The following DENND4B variants were observed in gnomAD, a reference collection of about 807,000 sequenced individuals.
The protein encoded by DENND4B is DENN domain containing 4B.
Under a neutral mutation model 161.0 loss-of-function variants are expected in DENND4B, and 67 were observed. The observed-to-expected ratio is 0.42, with a 90% confidence interval of 0.34 to 0.51. The LOEUF is 0.51. Ranked by LOEUF, DENND4B falls within the 20% of genes least tolerant of loss-of-function variation. DENND4B has a pLI of 0.08. For missense variants in DENND4B, 1,481 were observed against 1,968.0 expected (o/e 0.75, Z 4.68); for synonymous variants, 753 against 813.8 (o/e 0.93, Z 1.27).
At position 153,929,722 on chromosome 1, in the gene DENND4B, A is replaced by C. The variant is rs1276957493; in HGVS notation, c.*575T>G. 1 of 152,334 alleles carries C rather than the reference A, an allele frequency of 6.6e-6. No individual in the cohort carries two copies. The highest frequency in any genetic ancestry group is 1.5e-5 in the Non-Finnish European group (1 of 68,196). The allele number at this position is 152,334 out of a possible 1,614,324, so 9.4% of individuals were successfully genotyped here. ...TGAAGGAACTACAAACCACCGGACC[A>C]TGGTGCCCTATTTCCCTTCCCTTTC... is the stretch of plus-strand genomic sequence containing the variant. On this transcript the variant is annotated 3_prime_UTR_variant, in exon 28 of 28. Coordinates refer to ENST00000361217, the MANE Select transcript of DENND4B (RefSeq NM_014856.3).
chr1:153,935,863 G>C, intron 17 of DENND4B, 197 bp downstream of exon 17: 1 of 608,876 alleles, frequency 1.6e-6, no homozygotes, highest in Admixed American at 3.1e-5. Context: ...GGGCTGTCAT[G>C]AGTGGGAATC....
intron 6 of DENND4B, 97 bp downstream of exon 6, chr1:153,941,772 C>CCGGGGGGGGGGGGGGG: frequency 6.8e-7 from 1 of 1,464,446 alleles, no homozygotes. Flanking sequence ...TACCCTGTGC[C>CCGGGGGGGGGGGGGGG]CAGCCCTCCC....
rs576238653 is a variant in DENND4B, at chr1:153,930,160, C to T, written c.*137G>A. 61 of 1,185,836 alleles carry T rather than the reference C, an allele frequency of 5.1e-5. No individual in the cohort carries two copies. In the East Asian group the frequency reaches 1.2e-3, roughly 23 times the overall value. 73.5% of individuals were successfully genotyped at this position (1,185,836 alleles called of 1,614,324 possible). A position where few individuals can be genotyped will look rare whatever the true frequency, so the allele number is the denominator to read the frequency against. On this transcript the variant is annotated 3_prime_UTR_variant, in exon 28 of 28. Coordinates refer to ENST00000361217, the MANE Select transcript of DENND4B (RefSeq NM_014856.3). This position sits in a 1 kb window ranked among gnomAD's most constrained non-coding sequence, Gnocchi z 4.7. ...AACAGTGGATCCCTCTTCCTGTTGTCCTCGCTTGGAGCCTTTGACTGGGCA... is the reference window on the plus strand; with the variant it reads ...AACAGTGGATCCCTCTTCCTGTTGTTCTCGCTTGGAGCCTTTGACTGGGCA...
chr1:153,930,189 T>G lies in DENND4B; in HGVS notation c.*108A>C, dbSNP rs999355943. The G allele has an allele frequency of 4.3e-6, 6 of 1,411,054 alleles. No individual in the cohort carries two copies. The highest frequency in any genetic ancestry group is 5.7e-6 in the Non-Finnish European group (6 of 1,058,002). 87.4% of individuals were successfully genotyped at this position (1,411,054 alleles called of 1,614,324 possible). A position where few individuals can be genotyped will look rare whatever the true frequency, so the allele number is the denominator to read the frequency against. ...GCTTGGAGCCTTTGACTGGGCATCCTTCCCAGCCTGTTCCCAACTCCATGA... is the reference window on the plus strand; with the variant it reads ...GCTTGGAGCCTTTGACTGGGCATCCGTCCCAGCCTGTTCCCAACTCCATGA... On this transcript the variant is annotated 3_prime_UTR_variant, in exon 28 of 28. Coordinates refer to ENST00000361217, the MANE Select transcript of DENND4B (RefSeq NM_014856.3). The surrounding 1 kb of genome is among the most constrained non-coding windows in gnomAD (Gnocchi z 4.7).
chr1:153,941,774 A>AGGGCTG, intron 6 of DENND4B, 95 bp downstream of exon 6: 1 of 618,134 alleles, frequency 1.6e-6, no homozygotes, highest in East Asian at 4.9e-5. Flanking sequence ...CCCTGTGCCC[A>AGGGCTG]GCCCTCCCCC....
chr1:153,932,604 C>T lies in DENND4B; in HGVS notation c.3759+38G>A. ...ACCCCACAGGCCCCACACAGGGCAA[C>T]ATTCCCGTTCCTCATGCCCCTTTGG... On this transcript the variant is annotated intron_variant, in intron 23 of 27. Transcript: ENST00000361217. This position sits in a 1 kb window ranked among gnomAD's most constrained non-coding sequence, Gnocchi z 5.8. 5 of 1,594,056 alleles carry T rather than the reference C, an allele frequency of 3.1e-6. No homozygotes were observed. The highest frequency in any genetic ancestry group is 2.6e-6 in the Non-Finnish European group (3 of 1,167,636).
Position 153,940,926 on chromosome 1 carries a change from CT to C in DENND4B, c.1303del (p.Ser435AlafsTer9). The C allele has an allele frequency of 1.3e-6, 2 of 1,587,964 alleles. No individual in the cohort carries two copies. Among genetic ancestry groups the C allele is most frequent in the Non-Finnish European group, 1.7e-6 (2 of 1,170,178 alleles). Reference protein sequence around the residue: ...VHSLRPDLLTSVCEALVSMIF... With the variant: ...VHSLRPDLLTXVCEALVSMIF... The stretch of plus-strand genomic sequence containing the variant: ...CACCGAGACGAGGGCCTCACAGACG[CT>C]GGTGAGCAGGTCTGGCCGCAGCGAG... On this transcript the variant is annotated frameshift_variant, in exon 9 of 28. Coordinates refer to ENST00000361217, the MANE Select transcript of DENND4B (RefSeq NM_014856.3). LOFTEE classifies it high-confidence loss of function. The surrounding 1 kb of genome is among the most constrained non-coding windows in gnomAD (Gnocchi z 5.6).
upstream of DENND4B, chr1:153,946,751 T>G: frequency 2.7e-6 from 1 of 368,566 alleles, no homozygotes. The surrounding 1 kb of genome is among the most constrained non-coding windows in gnomAD (Gnocchi z 6.3). Flanking sequence ...GCCCGACCCC[T>G]GGCGGCTGGG....
Position 153,932,949 on chromosome 1 carries a change from C to T in DENND4B, c.3535G>A (p.Asp1179Asn), listed in dbSNP as rs774694318. ...CAGGTTGTGTTGAGGTTAGAGTCAT[C>T]AGGTGCCCAGCCAGCCATGATTTCC... ...DEEIMAGWAPDDSNLNTTCPF... is the reference protein window; with the variant it reads ...DEEIMAGWAPNDSNLNTTCPF... Residue 1179 changes from aspartate (D) to asparagine (N), a missense_variant, in exon 22 of 28, where the codon GAT (aspartate) becomes AAT (asparagine). Asp to Asn is a conservative substitution (Grantham distance 23, BLOSUM62 1). This residue lies in a region of DENND4B where 336 missense variants were observed against 503.3 expected (regional missense o/e 0.67). Coordinates refer to ENST00000361217, the MANE Select transcript of DENND4B (RefSeq NM_014856.3). This position sits in a 1 kb window ranked among gnomAD's most constrained non-coding sequence, Gnocchi z 5.8. 4 of 1,613,992 alleles carry T rather than the reference C, an allele frequency of 2.5e-6. No individual in the cohort carries two copies. Among genetic ancestry groups the T allele is most frequent in the Non-Finnish European group, 3.4e-6 (4 of 1,179,876 alleles).
At position 153,946,397 on chromosome 1, in the gene DENND4B, G is replaced by A; in HGVS notation, c.-120C>T. ...GGCGGGGCTACCCGGCCCCAGACAT[G>A]GCGCACCCGACTTGGGCGCCGCTCC... On this transcript the variant is annotated 5_prime_UTR_variant, in exon 1 of 28. Transcript: ENST00000361217. The surrounding 1 kb of genome is among the most constrained non-coding windows in gnomAD (Gnocchi z 6.3). The A allele has an allele frequency of 2.6e-6, 1 of 383,990 alleles. No individual in the cohort carries two copies. The highest frequency in any genetic ancestry group is 4.5e-5 in the Admixed American group (1 of 22,120). 23.8% of individuals were successfully genotyped at this position (383,990 alleles called of 1,614,324 possible). A position where few individuals can be genotyped will look rare whatever the true frequency, so the allele number is the denominator to read the frequency against.
chr1:153,938,366 G>A (rs1401499303), intron 13 of DENND4B, among the ~76,000 whole-genome samples: 4 of 148,678 alleles, frequency 2.7e-5, no homozygotes, highest in African/African-American at 5.0e-5. Flanking sequence ...CCGATATCGC[G>A]CCACTGCACT....
intron 13 of DENND4B, 117 bp downstream of exon 13, chr1:153,938,783 G>C: frequency 1.5e-6 from 1 of 655,324 alleles, no homozygotes; most frequent in East Asian, 3.1e-5. Context: ...AAATGGCCCT[G>C]GGGTCTACAG....
chr1:153,937,372 TAAC>T lies in DENND4B; in HGVS notation c.2232+113_2232+115del. ...TATGTGCCAAGCACATTTAAACTCCTAACAACCTCATGGGTTAAGTATTATTGT... is the reference window on the plus strand; with the variant it reads ...TATGTGCCAAGCACATTTAAACTCCTAACCTCATGGGTTAAGTATTATTGT... On this transcript the variant is annotated intron_variant, in intron 15 of 27. Transcript: ENST00000361217. The surrounding 1 kb of genome is among the most constrained non-coding windows in gnomAD (Gnocchi z 4.7). 1 of 1,407,024 alleles carries T rather than the reference TAAC, an allele frequency of 7.1e-7. No individual in the cohort carries two copies. Among genetic ancestry groups the T allele is most frequent in the South Asian group, 1.6e-5 (1 of 62,478 alleles). 87.2% of individuals were successfully genotyped at this position (1,407,024 alleles called of 1,614,324 possible). A position where few individuals can be genotyped will look rare whatever the true frequency, so the allele number is the denominator to read the frequency against.
chr1:153,944,345 C>T lies in DENND4B; in HGVS notation c.30G>A (p.Val10=), dbSNP rs372779027. 3,326 of 1,608,674 alleles carry T rather than the reference C, an allele frequency of 2.1e-3. 11 individuals are homozygous for T. Among genetic ancestry groups the T allele is most frequent in the South Asian group, 6.1e-3 (554 of 90,506 alleles). The change falls in exon 2 of 28, where the codon GTG becomes GTA. Residue 10 remains valine, a synonymous_variant. Coordinates refer to ENST00000361217, the MANE Select transcript of DENND4B (RefSeq NM_014856.3). This position sits in a 1 kb window ranked among gnomAD's most constrained non-coding sequence, Gnocchi z 4.8. ...CAAGCCCAGCTACCACGAAGTAATC[C>T]ACCAGCCGGGGGGGCCGCTCCTCCG... MAEERPPRL[V]DYFVVAGLAG... is the part of the protein sequence containing the mutation.
rs746193379 is a variant in DENND4B, at chr1:153,942,300, C to G, written c.697G>C (p.Val233Leu). ...CCCATGGGCAGGCAGAAGACGGGCACTGACTCGGGCAGCGGGAACGCCTCA... is the reference window on the plus strand; with the variant it reads ...CCCATGGGCAGGCAGAAGACGGGCAGTGACTCGGGCAGCGGGAACGCCTCA... ...DNEAFPLPES[V>L]PVFCLPMGAT... Residue 233 changes from valine to leucine, a missense_variant, in exon 5 of 28, where the codon GTG (valine) becomes CTG (leucine). By Grantham distance (32) the Val-to-Leu change is conservative. Transcript: ENST00000361217. This position sits in a 1 kb window ranked among gnomAD's most constrained non-coding sequence, Gnocchi z 6.9. 6.2e-7 allele frequency: 1 copy of G among 1,613,642 alleles called. No homozygotes were observed. Among genetic ancestry groups the G allele is most frequent in the Non-Finnish European group, 8.5e-7 (1 of 1,179,830 alleles).
Position 153,937,421 on chromosome 1 carries a change from G to C in DENND4B, c.2232+67C>G. 11 of 1,458,886 alleles carry C rather than the reference G, an allele frequency of 7.5e-6. No individual in the cohort carries two copies. Among genetic ancestry groups the C allele is most frequent in the Non-Finnish European group, 9.1e-6 (10 of 1,102,894 alleles). 90.4% of individuals were successfully genotyped at this position (1,458,886 alleles called of 1,614,324 possible). A position where few individuals can be genotyped will look rare whatever the true frequency, so the allele number is the denominator to read the frequency against. ...ATTGTTATACCCATTTTGTAGATGA[G>C]GAAACTGAAGCAGCAGCAGCCTTCA... On this transcript the variant is annotated intron_variant, in intron 15 of 27. Coordinates refer to ENST00000361217, the MANE Select transcript of DENND4B (RefSeq NM_014856.3). The surrounding 1 kb of genome is among the most constrained non-coding windows in gnomAD (Gnocchi z 4.7).
chr1:153,933,132 C>T lies in DENND4B; in HGVS notation c.3453+65G>A. On this transcript the variant is annotated intron_variant, in intron 21 of 27. Transcript: ENST00000361217. This position sits in a 1 kb window ranked among gnomAD's most constrained non-coding sequence, Gnocchi z 5.7. ...CTCCCACCTCCTCCCCATCTCCTGC[C>T]TTGGACAGGGTGAGTGTGTGCTATG... The T allele has an allele frequency of 3.1e-6, 5 of 1,611,620 alleles. No individual in the cohort carries two copies. Among genetic ancestry groups the T allele is most frequent in the Non-Finnish European group, 4.2e-6 (5 of 1,178,592 alleles).
chr1:153,941,336 C>T (rs757480617), intron 7 of DENND4B, 38 bp downstream of exon 7: 3 of 1,613,486 alleles, frequency 1.9e-6, no homozygotes, highest in African/African-American at 1.3e-5. Flanking sequence ...TGCCAACTCC[C>T]CTCCTTCCAT....
At chr1:153,943,538 C>T (rs566807439) in intron 2 of DENND4B, among the ~76,000 whole-genome samples, 2 of 152,154 alleles carry the variant, frequency 1.3e-5, no homozygotes, top group African/African-American at 2.4e-5. Flanking sequence ...ATTAGCTGGA[C>T]GTGGTGGCAC....
Sources: allele counts gnomAD v4.1 joint callset (sites outside exome capture counted in the v4.1 genomes callset), GRCh38; gene constraint gnomAD v4.1.1; regional missense constraint gnomAD v4.1.1; non-coding constraint Gnocchi (gnomAD v3.1); transcripts MANE v1.5; gene names NCBI Gene and HGNC (gene_info 2026-07-23, HGNC 2026-07-21).